ZNF804B: variants seen among roughly 807,000 people sequenced by gnomAD.
ZNF804B encodes zinc finger 804B.
ZNF804B carries 80 observed loss-of-function variants against 101.4 expected under a neutral mutation model. The ratio of observed to expected loss-of-function variants is 0.79; its 90% CI spans 0.66 to 0.95. ZNF804B has a LOEUF of 0.95. ZNF804B is among the 40% of genes least tolerant of loss of function. ZNF804B has a pLI of 0.00. For missense variants in ZNF804B, 1,673 were observed against 1,561.9 expected (o/e 1.07, Z -1.20); for synonymous variants, 622 against 558.8 (o/e 1.11, Z -1.59).
chr7:89,098,581 T>A (rs957751892), intron 1 of ZNF804B, among the ~76,000 whole-genome samples: 1 of 152,008 alleles, frequency 6.6e-6, no homozygotes, highest in African/African-American at 2.4e-5. Flanking sequence ...CCATAACAAC[T>A]TTTTTTAATG....
intron 1 of ZNF804B, among the ~76,000 whole-genome samples, chr7:89,014,215 AT>A (rs1320784722): frequency 2.0e-5 from 3 of 151,736 alleles, no homozygotes; most frequent in Non-Finnish European, 4.4e-5. Context: ...ACCAACATTA[AT>A]TTTTTTTCTT....
chr7:88,979,723 C>T (rs991685354), intron 1 of ZNF804B, among the ~76,000 whole-genome samples: 2 of 150,594 alleles, frequency 1.3e-5, no homozygotes, highest in African/African-American at 2.4e-5. Context: ...GTTCTATAAC[C>T]TTCTTGTACT....
In ZNF804B at chr7:88,759,835, G is replaced by A. The variant is rs903044190; in HGVS notation, c.-142G>A. On this transcript the variant is annotated 5_prime_UTR_variant, in exon 1 of 4. Transcript: ENST00000333190. ...CGCACGGGGCGCGGAGCAGGGACGC[G>A]CTGCCACCGCCTCCCCCTGCGTCCT... 5 of 662,788 alleles carry A rather than the reference G, an allele frequency of 7.5e-6. No individual in the cohort carries two copies. Among genetic ancestry groups the A allele is most frequent in the East Asian group, 5.4e-5 (2 of 36,884 alleles). 41.1% of individuals were successfully genotyped at this position (662,788 alleles called of 1,614,324 possible). A position where few individuals can be genotyped will look rare whatever the true frequency, so the allele number is the denominator to read the frequency against.
At chr7:89,045,252 G>C (rs2078798) in intron 1 of ZNF804B, among the ~76,000 whole-genome samples, 70,313 of 152,014 alleles carry the variant, frequency 0.46, 16,903 homozygotes, top group Non-Finnish European at 0.53. Flanking sequence ...ACGACGTATG[G>C]AAATGCCTGG....
intron 1 of ZNF804B, among the ~76,000 whole-genome samples, chr7:88,814,181 CTT>C: frequency 6.6e-6 from 1 of 152,160 alleles, no homozygotes; most frequent in South Asian, 2.1e-4. Context: ...GTGAATAAGA[CTT>C]TTCATATTTC....
At chr7:89,092,762 C>T (rs1469520500) in intron 1 of ZNF804B, among the ~76,000 whole-genome samples, 1 of 152,084 alleles carries the variant, frequency 6.6e-6, no homozygotes, top group African/African-American at 2.4e-5. Context: ...TTGACATATT[C>T]CCATTATTGT....
At chr7:89,325,730 G>A (rs1364070239) in intron 2 of ZNF804B, among the ~76,000 whole-genome samples, 1 of 151,616 alleles carries the variant, frequency 6.6e-6, no homozygotes, top group African/African-American at 2.4e-5. Context: ...TTTGTGTGCT[G>A]GTAATACCTA....
At chr7:89,177,514 C>T (rs1294177816) in intron 1 of ZNF804B, among the ~76,000 whole-genome samples, 3 of 152,080 alleles carry the variant, frequency 2.0e-5, no homozygotes, top group African/African-American at 7.2e-5. Context: ...TTTTAATGCT[C>T]GTTTTGTGGC....
rs1791072771 is a variant in ZNF804B at position 89,335,809 on chromosome 7, A to G, written c.2827A>G (p.Asn943Asp). ...CAAGAAATGTCAAGAACAATCAAGT[A>G]ATGTTGAGATCTCTTCAAACAGTTG... Reference protein sequence around the residue: ...QAKKCQEQSSNVEISSNSCKS... With the variant: ...QAKKCQEQSSDVEISSNSCKS... Residue 943 changes from asparagine to aspartate, a missense_variant, in exon 4 of 4, where the codon AAT (asparagine) becomes GAT (aspartate). By Grantham distance (23) the Asn-to-Asp change is conservative. Coordinates refer to ENST00000333190, the MANE Select transcript of ZNF804B (RefSeq NM_181646.5). The G allele has an allele frequency of 1.2e-6, 2 of 1,614,088 alleles. No homozygotes were observed. Among genetic ancestry groups the G allele is most frequent in the Non-Finnish European group, 1.7e-6 (2 of 1,179,986 alleles).
At chr7:89,225,651 T>C (rs1789078569) in intron 2 of ZNF804B, among the ~76,000 whole-genome samples, 1 of 152,150 alleles carries the variant, frequency 6.6e-6, no homozygotes, top group Admixed American at 6.5e-5. Flanking sequence ...GTAAATACTG[T>C]GGTAAACATA....
intron 1 of ZNF804B, among the ~76,000 whole-genome samples, chr7:88,856,193 GGGCAGCAT>G (rs1213296259): frequency 2.0e-5 from 3 of 152,088 alleles, no homozygotes; most frequent in Non-Finnish European, 4.4e-5. Context: ...AAATTACCTT[GGGCAGCAT>G]GGCCATTTTC....
intron 1 of ZNF804B, among the ~76,000 whole-genome samples, chr7:89,170,043 T>G (rs1315208408): frequency 6.6e-6 from 1 of 152,232 alleles, no homozygotes; most frequent in African/African-American, 2.4e-5. Flanking sequence ...CAAATATACT[T>G]CAACATTCTG....
chr7:89,306,837 A>G (rs1313129152), intron 2 of ZNF804B, among the ~76,000 whole-genome samples: 1 of 152,046 alleles, frequency 6.6e-6, no homozygotes, highest in African/African-American at 2.4e-5. Context: ...AATTATACAG[A>G]CATTTTGCCC....
At chr7:89,141,698 A>G (rs539769087) in intron 1 of ZNF804B, among the ~76,000 whole-genome samples, 3 of 151,800 alleles carry the variant, frequency 2.0e-5, no homozygotes, top group African/African-American at 7.3e-5. Context: ...AAGAGTTCCA[A>G]TTTTTCCACA....
At chr7:89,292,643 A>G (rs1790314511) in intron 2 of ZNF804B, among the ~76,000 whole-genome samples, 1 of 152,128 alleles carries the variant, frequency 6.6e-6, no homozygotes, top group South Asian at 2.1e-4. Context: ...AGAAGTAAAG[A>G]ACGAAGACCA....
At chr7:88,821,417 C>T (rs1019003883) in intron 1 of ZNF804B, among the ~76,000 whole-genome samples, 7 of 152,226 alleles carry the variant, frequency 4.6e-5, no homozygotes, top group Admixed American at 2.6e-4. Context: ...CCAATAATTA[C>T]AAATGGTGTT....
At chr7:89,156,404 T>C (rs571131637) in intron 1 of ZNF804B, among the ~76,000 whole-genome samples, 14 of 152,138 alleles carry the variant, frequency 9.2e-5, no homozygotes, top group Non-Finnish European at 1.9e-4. Context: ...CCTGAGCCAC[T>C]GCACCTGGCC....
chr7:88,819,299 T>C (rs79885997), intron 1 of ZNF804B, among the ~76,000 whole-genome samples: 1 of 148,976 alleles, frequency 6.7e-6, no homozygotes, highest in African/African-American at 2.5e-5. Flanking sequence ...ATTTTTTTTT[T>C]CTTGTATTTT....
At chr7:89,112,846 C>T (rs753742400) in intron 1 of ZNF804B, among the ~76,000 whole-genome samples, 6 of 152,094 alleles carry the variant, frequency 3.9e-5, no homozygotes, top group Middle Eastern at 3.4e-3. Flanking sequence ...TGGGTATAAA[C>T]GGAGGTACAG....
Sources: gnomAD v4.1 joint callset for allele counts (sites outside exome capture counted in the v4.1 genomes callset) on GRCh38, gnomAD v4.1.1 for gene constraint, MANE v1.5 for transcripts, NCBI Gene and HGNC (gene_info 2026-07-23, HGNC 2026-07-21) for gene names.